MLC1: variants seen among roughly 807,000 people sequenced by gnomAD.
MLC1 encodes the protein membrane protein MLC1.
In MLC1, 32 loss-of-function variants were observed where a neutral mutation model predicts 44.7. That is an observed-to-expected ratio of 0.72 (90% CI 0.54 to 0.96). The LOEUF (loss-of-function observed/expected upper bound fraction) is 0.96. Ranked by LOEUF, MLC1 falls within the 40% of genes least tolerant of loss-of-function variation. The pLI is 0.00. For synonymous variants in MLC1, 190 were observed against 213.0 expected, an observed-to-expected ratio of 0.89 and a Z score of 0.94; for missense variants, 459 against 492.2, an observed-to-expected ratio of 0.93 and a Z score of 0.64.
At chr22:50,063,966 C>T (rs2061643745) in intron 11 of MLC1, 68 bp downstream of exon 11, 2 of 1,499,010 alleles carry the variant, frequency 1.3e-6, no homozygotes, top group Non-Finnish European at 1.8e-6. Flanking sequence ...GGCTTCTCAC[C>T]TCCCTGGCTG....
At chr22:50,077,545 T>C in intron 5 of MLC1, 43 bp from the exon 6 acceptor site, 4 of 1,516,490 alleles carry the variant, frequency 2.6e-6, no homozygotes, top group Non-Finnish European at 3.7e-6. Flanking sequence ...CCCGCCTTTC[T>C]CACGCCACCG....
chr22:50,061,684 C>A, intron 11 of MLC1, 27 bp from the exon 12 acceptor site: 1 of 1,602,606 alleles, frequency 6.2e-7, no homozygotes, highest in Non-Finnish European at 8.5e-7. Flanking sequence ...AAAGGTGTTA[C>A]TTCACCAGGG....
intron 5 of MLC1, 71 bp from the exon 6 acceptor site, chr22:50,077,573 G>A: frequency 7.7e-7 from 1 of 1,295,170 alleles, no homozygotes. Context: ...GCGTCCACCG[G>A]ACCACCTCAC....
In MLC1 at chr22:50,061,493, T is replaced by G; in HGVS notation, c.*90A>C. On this transcript the variant is annotated 3_prime_UTR_variant, in exon 12 of 12. Coordinates refer to ENST00000311597, the MANE Select transcript of MLC1 (RefSeq NM_015166.4). ...CCCTCACACAAGGGAAAAGAGGTGT[T>G]AGAAGCAGTAGCTCAGGGCGATTAG... 1 of 1,357,166 alleles carries G rather than the reference T, an allele frequency of 7.4e-7. No individual in the cohort carries two copies. Among genetic ancestry groups the G allele is most frequent in the Non-Finnish European group, 1.0e-6 (1 of 954,720 alleles). 84.1% of individuals were successfully genotyped at this position (1,357,166 alleles called of 1,614,324 possible). A position where few individuals can be genotyped will look rare whatever the true frequency, so the allele number is the denominator to read the frequency against.
Position 50,061,270 on chromosome 22 carries a change from A to C in MLC1, c.*313T>G. On this transcript the variant is annotated 3_prime_UTR_variant, in exon 12 of 12. Coordinates refer to ENST00000311597, the MANE Select transcript of MLC1 (RefSeq NM_015166.4). ...AGAGGCAGGAAGAGGAGCTGGGGCCAGTTCAGGGGTGGGGCTCTCAAGAGG... is the reference window on the plus strand; with the variant it reads ...AGAGGCAGGAAGAGGAGCTGGGGCCCGTTCAGGGGTGGGGCTCTCAAGAGG... 2.2e-6 allele frequency: 1 copy of C among 446,700 alleles called. No homozygotes were observed. The highest frequency in any genetic ancestry group is 2.1e-5 in the South Asian group (1 of 46,932). The allele number at this position is 446,700 out of a possible 1,614,324, so 27.7% of individuals were successfully genotyped here. A position where few individuals can be genotyped will look rare whatever the true frequency, so the allele number is the denominator to read the frequency against.
intron 8 of MLC1, among the ~76,000 whole-genome samples, chr22:50,073,901 A>G (rs2061918536): frequency 6.6e-6 from 1 of 152,210 alleles, no homozygotes; most frequent in Non-Finnish European, 1.5e-5. Flanking sequence ...TGCATTATAT[A>G]TTAGAAAATT....
At chr22:50,064,489 G>A (rs576065391) in intron 10 of MLC1, among the ~76,000 whole-genome samples, 6 of 152,308 alleles carry the variant, frequency 3.9e-5, no homozygotes, top group South Asian at 2.1e-4. Flanking sequence ...TGGTCAAGTC[G>A]CTCCACCCCT....
chr22:50,064,288 G>C (rs2061657353), intron 10 of MLC1, 90 bp from the exon 11 acceptor site: 11 of 1,492,110 alleles, frequency 7.4e-6, no homozygotes, highest in Non-Finnish European at 9.0e-6. Context: ...CCTTCACAAA[G>C]AGCAGGTGCC....
intron 9 of MLC1, among the ~76,000 whole-genome samples, chr22:50,068,837 C>T (rs1459864457): frequency 6.6e-6 from 1 of 150,726 alleles, no homozygotes; most frequent in African/African-American, 2.5e-5. Flanking sequence ...AGTGATTCTC[C>T]TGCCTCAGCC....
intron 7 of MLC1, 65 bp from the exon 8 acceptor site, chr22:50,074,397 A>C: frequency 7.3e-7 from 1 of 1,374,792 alleles, no homozygotes; most frequent in Non-Finnish European, 1.0e-6. Flanking sequence ...CCCAGAATGC[A>C]CTGTGCAGAC....
chr22:50,075,737 G>A (rs561199066), intron 7 of MLC1, among the ~76,000 whole-genome samples: 1 of 151,538 alleles, frequency 6.6e-6, no homozygotes, highest in Non-Finnish European at 1.5e-5. Context: ...AAAAGAAGCA[G>A]AACGGAAATG....
chr22:50,077,231 C>T (rs1266142500), intron 6 of MLC1, among the ~76,000 whole-genome samples, 170 bp downstream of exon 6: 2 of 152,206 alleles, frequency 1.3e-5, no homozygotes, highest in Non-Finnish European at 1.5e-5. Context: ...TCACCCAGCT[C>T]CAGAGCCCCT....
rs367846933 is a variant in MLC1, at chr22:50,077,520, C to T, written c.424-18G>A. The stretch of plus-strand genomic sequence containing the variant: ...AAGTTGATCTGCCAAGGGGCACACA[C>T]GCTTCAGCACCGGGCCCGCCTTTCT... On this transcript the variant is annotated intron_variant, in intron 5 of 11. Coordinates refer to ENST00000311597, the MANE Select transcript of MLC1 (RefSeq NM_015166.4). 14 of 1,600,350 alleles carry T rather than the reference C, an allele frequency of 8.7e-6. No homozygotes were observed. Among genetic ancestry groups the T allele is most frequent in the Middle Eastern group, 1.8e-4 (1 of 5,464 alleles).
chr22:50,076,840 CTGAG>C lies in MLC1; in HGVS notation c.594_597del (p.Tyr198Ter), dbSNP rs267607236. On this transcript the variant is annotated frameshift_variant and splice_region_variant, in exon 7 of 12. Transcript: ENST00000311597. LOFTEE classifies it high-confidence loss of function. Reference sequence around the variant, plus strand: ...AAGAGAAAGAAGGGAAGTTTTCTTACTGAGTAAGATTTCAGGACCCGAGCAGGAA... The same window carrying C: ...AAGAGAAAGAAGGGAAGTTTTCTTACTAAGATTTCAGGACCCGAGCAGGAA... The C allele has an allele frequency of 3.1e-6, 5 of 1,613,596 alleles. No homozygotes were observed. The highest frequency in any genetic ancestry group is 4.2e-6 in the Non-Finnish European group (5 of 1,179,686).
chr22:50,067,012 A>G (rs2146795780), intron 10 of MLC1, among the ~76,000 whole-genome samples: 1 of 152,320 alleles, frequency 6.6e-6, no homozygotes, highest in East Asian at 1.9e-4. Context: ...CATGCTGAAG[A>G]TAAAAGGGAA....
chr22:50,067,155 A>T (rs5771348), intron 10 of MLC1, among the ~76,000 whole-genome samples: 9 of 152,068 alleles, frequency 5.9e-5, no homozygotes, highest in Admixed American at 5.2e-4. Context: ...AAATAATTGG[A>T]GTAGGAGTGG....
At position 50,084,725 on chromosome 22, in the gene MLC1, C is replaced by A. The variant is rs1374593138; in HGVS notation, c.177+1G>T. ...CAAGGGCTTAGTGTGGAGCTACTCA[C>A]CCCCATCAGCACAGAGAAGACCCAC... is the stretch of plus-strand genomic sequence containing the variant. On this transcript the variant is annotated splice_donor_variant, in intron 2 of 11. Transcript: ENST00000311597. LOFTEE classifies it high-confidence loss of function. 5 of 1,613,750 alleles carry A rather than the reference C, an allele frequency of 3.1e-6. No homozygotes were observed. The highest frequency in any genetic ancestry group is 4.2e-6 in the Non-Finnish European group (5 of 1,179,950).
intron 7 of MLC1, 146 bp from the exon 8 acceptor site, chr22:50,074,478 C>T (rs1602024112): frequency 8.2e-6 from 6 of 729,794 alleles, no homozygotes; most frequent in South Asian, 6.0e-5. Flanking sequence ...CCTGGATGGA[C>T]CCCCAGCCTC....
In MLC1 at chr22:50,079,951, T is replaced by G. The variant is rs1404863615; in HGVS notation, c.390A>C (p.Gly130=). Residue 130 remains glycine (G), a synonymous_variant, in exon 5 of 12, where the codon GGA becomes GGC. Coordinates refer to ENST00000311597, the MANE Select transcript of MLC1 (RefSeq NM_015166.4). The stretch of plus-strand genomic sequence containing the variant: ...CTGATGGGTTCAGGACTAGTTTGCA[T>G]CCAAACCAAATTAAACACGTAGTGG... ...AVTTTCLIWF[G]CKLVLNPSAI... is the part of the protein sequence containing the mutation. 3 of 1,613,944 alleles carry G rather than the reference T, an allele frequency of 1.9e-6. No individual in the cohort carries two copies. In the African/African-American group the frequency reaches 4.0e-5, roughly 22 times the overall value.
Sources: allele counts gnomAD v4.1 joint callset (sites outside exome capture counted in the v4.1 genomes callset), GRCh38; gene constraint gnomAD v4.1.1; transcripts MANE v1.5; gene names NCBI Gene and HGNC (gene_info 2026-07-23, HGNC 2026-07-21).